The following CCN1 variants were observed in gnomAD, a reference collection of about 807,000 sequenced individuals.
CCN1 encodes cellular communication network factor 1.
In CCN1, 12 loss-of-function variants were observed where a neutral mutation model predicts 38.1. That is an observed-to-expected ratio of 0.31 (90% CI 0.20 to 0.51). The LOEUF (loss-of-function observed/expected upper bound fraction) is 0.51, where lower values mean the gene tolerates loss of function less well. Ranked by LOEUF, CCN1 falls within the 20% of genes least tolerant of loss-of-function variation. The pLI is 0.97. For synonymous variants in CCN1, 202 were observed against 196.1 expected (o/e 1.03, Z -0.25); for missense variants, 466 against 490.9 (o/e 0.95, Z 0.48).
Position 85,581,421 on chromosome 1 carries a change from G to T in CCN1, c.120G>T (p.Ala40=), listed in dbSNP as rs767663303. The T allele has an allele frequency of 2.5e-6, 4 of 1,607,854 alleles. No individual in the cohort carries two copies. The highest frequency in any genetic ancestry group is 3.4e-6 in the Non-Finnish European group (4 of 1,177,902). Residue 40 remains alanine (A), a synonymous_variant, in exon 2 of 5, where the codon GCG becomes GCT. Coordinates refer to ENST00000451137, the MANE Select transcript of CCN1 (RefSeq NM_001554.5). ...CHCPLEAPKC[A]PGVGLVRDGC... ...GCCCCCTGGAGGCGCCCAAGTGCGCGCCGGGAGTCGGGCTGGTCCGGGACG... is the reference window on the plus strand; with the variant it reads ...GCCCCCTGGAGGCGCCCAAGTGCGCTCCGGGAGTCGGGCTGGTCCGGGACG...
At position 85,582,813 on chromosome 1, in the gene CCN1, T is replaced by G. The variant is rs751124491; in HGVS notation, c.917T>G (p.Val306Gly). 6.2e-7 allele frequency: 1 copy of G among 1,614,184 alleles called. No individual in the cohort carries two copies. The highest frequency in any genetic ancestry group is 2.2e-5 in the East Asian group (1 of 44,882). Residue 306 changes from valine (V) to glycine (G), a missense_variant, in exon 5 of 5, where the codon GTG (valine) becomes GGG (glycine). Around this residue, in one of 3 missense-constraint regions of CCN1, gnomAD observed 309 missense variants for 319.9 expected, o/e 0.97. Transcript: ENST00000451137. The part of the protein sequence containing the change: ...VRFTYAGCLS[V>G]KKYRPKYCGS... ...TTTACTTACGCTGGATGTTTGAGTG[T>G]GAAGAAATACCGGCCCAAGTACTGC...
In CCN1 at chr1:85,582,041, A is replaced by G. The variant is rs760330769; in HGVS notation, c.391A>G (p.Ile131Val). 3 of 1,614,180 alleles carry G rather than the reference A, an allele frequency of 1.9e-6. No individual in the cohort carries two copies. The highest frequency in any genetic ancestry group is 2.5e-6 in the Non-Finnish European group (3 of 1,180,032). Reference sequence around the variant, plus strand: ...ATGTATTGATGGCGCCGTGGGCTGCATTCCTCTGTGTCCCCAAGAACTATC... The same window carrying G: ...ATGTATTGATGGCGCCGTGGGCTGCGTTCCTCTGTGTCCCCAAGAACTATC... ...CTCIDGAVGC[I>V]PLCPQELSLP... Residue 131 changes from isoleucine to valine, a missense_variant, in exon 3 of 5, where the codon ATT becomes GTT. Ile to Val is a conservative substitution (Grantham distance 29, BLOSUM62 3). Coordinates refer to ENST00000451137, the MANE Select transcript of CCN1 (RefSeq NM_001554.5).
chr1:85,580,978 C>A lies in CCN1; in HGVS notation c.-7C>A. The stretch of plus-strand genomic sequence containing the variant: ...GCGCTCGCCCCGGGCTACTCCTGCG[C>A]GCCACAATGAGCTCCCGCATCGCCA... On this transcript the variant is annotated 5_prime_UTR_variant, in exon 1 of 5. Coordinates refer to ENST00000451137, the MANE Select transcript of CCN1 (RefSeq NM_001554.5). 1.2e-6 allele frequency: 2 copies of A among 1,600,316 alleles called. No homozygotes were observed. The highest frequency in any genetic ancestry group is 8.5e-7 in the Non-Finnish European group (1 of 1,174,924).
rs112249588 is a variant in CCN1 at position 85,583,382 on chromosome 1, T to C, written c.*340T>C. 101 of 288,746 alleles carry C rather than the reference T, an allele frequency of 3.5e-4. 2 individuals carry two copies. The highest frequency in any genetic ancestry group is 3.2e-3 in the Middle Eastern group (3 of 928). 17.9% of individuals were successfully genotyped at this position (288,746 alleles called of 1,614,324 possible). On this transcript the variant is annotated 3_prime_UTR_variant, in exon 5 of 5. Coordinates refer to ENST00000451137, the MANE Select transcript of CCN1 (RefSeq NM_001554.5). ...CTCTAGGCTTTTTTCCTTTTGGGGT[T>C]CTACAGTCGTAAAAGAGATAATAAG...
In CCN1 at chr1:85,580,899, C is replaced by T. The variant is rs1659757391; in HGVS notation, c.-86C>T. On this transcript the variant is annotated 5_prime_UTR_variant, in exon 1 of 5. Transcript: ENST00000451137. ...GGGCCCACCGCGCCGCCACCCCGAC[C>T]CCGCTGCGCACGGCCTGTCCGCTGC... The T allele has an allele frequency of 1.5e-6, 2 of 1,306,124 alleles. No homozygotes were observed. The highest frequency in any genetic ancestry group is 2.0e-6 in the Non-Finnish European group (2 of 1,009,270). The allele number at this position is 1,306,124 out of a possible 1,614,324, so 80.9% of individuals were successfully genotyped here.
In CCN1 at chr1:85,581,391, C is replaced by T. The variant is rs1221920633; in HGVS notation, c.90C>T (p.Cys30=). The T allele has an allele frequency of 6.2e-7, 1 of 1,600,684 alleles. No homozygotes were observed. Among genetic ancestry groups the T allele is most frequent in the Non-Finnish European group, 8.5e-7 (1 of 1,174,598 alleles). The change falls in exon 2 of 5, where the codon TGC becomes TGT. Residue 30 remains cysteine (C), a synonymous_variant. Coordinates refer to ENST00000451137, the MANE Select transcript of CCN1 (RefSeq NM_001554.5). ...CGCTCTCCACCTGCCCCGCTGCCTGCCACTGCCCCCTGGAGGCGCCCAAGT... is the reference window on the plus strand; with the variant it reads ...CGCTCTCCACCTGCCCCGCTGCCTGTCACTGCCCCCTGGAGGCGCCCAAGT... ...RLALSTCPAA[C]HCPLEAPKCA...
chr1:85,581,860 G>A (rs1217063512), intron 2 of CCN1, 68 bp from the exon 3 acceptor site: 4 of 1,482,962 alleles, frequency 2.7e-6, no homozygotes, highest in East Asian at 2.3e-5. Flanking sequence ...ATATGTATGA[G>A]TTTCAGGCGG....
At position 85,583,068 on chromosome 1, in the gene CCN1, C is replaced by T. The variant is rs781295349; in HGVS notation, c.*26C>T. The T allele has an allele frequency of 4.4e-6, 7 of 1,592,450 alleles. No homozygotes were observed. The highest frequency in any genetic ancestry group is 2.2e-5 in the East Asian group (1 of 44,506). On this transcript the variant is annotated 3_prime_UTR_variant, in exon 5 of 5. Coordinates refer to ENST00000451137, the MANE Select transcript of CCN1 (RefSeq NM_001554.5). ...ATGCTACCTGGGTTTCCAGGGCACACCTAGACAAACAAGGGAGAAGAGTGT... is the reference window on the plus strand; with the variant it reads ...ATGCTACCTGGGTTTCCAGGGCACATCTAGACAAACAAGGGAGAAGAGTGT...
chr1:85,581,969 T>C lies in CCN1; in HGVS notation c.319T>C (p.Tyr107His), dbSNP rs1139740. The C allele has an allele frequency of 1.2e-6, 2 of 1,614,222 alleles. No homozygotes were observed. The highest frequency in any genetic ancestry group is 1.7e-6 in the Non-Finnish European group (2 of 1,180,038). Reference sequence around the variant, plus strand: ...ACCCTGTGAATATAACTCCAGAATCTACCAAAACGGGGAAAGTTTCCAGCC... The same window carrying C: ...ACCCTGTGAATATAACTCCAGAATCCACCAAAACGGGGAAAGTTTCCAGCC... ...GRPCEYNSRI[Y>H]QNGESFQPNC... The change falls in exon 3 of 5, where the codon TAC becomes CAC. Residue 107 changes from tyrosine (Y) to histidine (H), a missense_variant. Coordinates refer to ENST00000451137, the MANE Select transcript of CCN1 (RefSeq NM_001554.5).
Position 85,581,353 on chromosome 1 carries a change from TC to T in CCN1, c.64-7del, listed in dbSNP as rs760716323. The T allele has an allele frequency of 1.3e-6, 2 of 1,565,112 alleles. No homozygotes were observed. The highest frequency in any genetic ancestry group is 1.7e-6 in the Non-Finnish European group (2 of 1,157,680). On this transcript the variant is annotated splice_polypyrimidine_tract_variant and intron_variant, in intron 1 of 4. Coordinates refer to ENST00000451137, the MANE Select transcript of CCN1 (RefSeq NM_001554.5). Reference sequence around the variant, plus strand: ...CGCGCCGAGTCTCACGCGTATCTTCTCCCCCTTCCAGGCGCTCTCCACCTGC... The same window carrying T: ...CGCGCCGAGTCTCACGCGTATCTTCTCCCCTTCCAGGCGCTCTCCACCTGC...
chr1:85,581,905 T>C (rs370126330), intron 2 of CCN1, 23 bp from the exon 3 acceptor site: 293 of 1,602,698 alleles, frequency 1.8e-4, no homozygotes, highest in Non-Finnish European at 2.5e-4. Flanking sequence ...CCTTCTACCT[T>C]TCTCTTTTGG....
chr1:85,580,871 A>C lies in CCN1; in HGVS notation c.-114A>C. On this transcript the variant is annotated 5_prime_UTR_variant, in exon 1 of 5. Coordinates refer to ENST00000451137, the MANE Select transcript of CCN1 (RefSeq NM_001554.5). ...CCGCCCAGCCCTCGCCTCCCTGCCC[A>C]CCGGGCCCACCGCGCCGCCACCCCG... 2 of 1,019,530 alleles carry C rather than the reference A, an allele frequency of 2.0e-6. No homozygotes were observed. Among genetic ancestry groups the C allele is most frequent in the African/African-American group, 1.7e-5 (1 of 58,728 alleles). The allele number at this position is 1,019,530 out of a possible 1,614,324, so 63.2% of individuals were successfully genotyped here.
In CCN1 at chr1:85,583,118, G is replaced by C; in HGVS notation, c.*76G>C. The C allele has an allele frequency of 6.8e-7, 1 of 1,462,042 alleles. No homozygotes were observed. Among genetic ancestry groups the C allele is most frequent in the Non-Finnish European group, 9.4e-7 (1 of 1,067,658 alleles). The allele number at this position is 1,462,042 out of a possible 1,614,324, so 90.6% of individuals were successfully genotyped here. On this transcript the variant is annotated 3_prime_UTR_variant, in exon 5 of 5. Coordinates refer to ENST00000451137, the MANE Select transcript of CCN1 (RefSeq NM_001554.5). Reference sequence around the variant, plus strand: ...TCAGAATCAGAATCATGGAGAAAATGGGCGGGGGTGGTGTGGGTGATGGGA... The same window carrying C: ...TCAGAATCAGAATCATGGAGAAAATCGGCGGGGGTGGTGTGGGTGATGGGA...
In CCN1 at chr1:85,581,365, G is replaced by T; in HGVS notation, c.64G>T (p.Ala22Ser). 6.3e-7 allele frequency: 1 copy of T among 1,579,522 alleles called. No homozygotes were observed. ...CACGCGTATCTTCTCCCCCTTCCAG[G>T]CGCTCTCCACCTGCCCCGCTGCCTG... is the stretch of plus-strand genomic sequence containing the variant. ...VVTLLHLTRL[A>S]LSTCPAACHC... Residue 22 changes from alanine (A) to serine (S), a missense_variant and splice_region_variant, in exon 2 of 5, where the codon GCG becomes TCG. Physicochemically the swap from Ala to Ser is moderately conservative, Grantham distance 99. Coordinates refer to ENST00000451137, the MANE Select transcript of CCN1 (RefSeq NM_001554.5).
intron 2 of CCN1, 136 bp from the exon 3 acceptor site, chr1:85,581,792 C>G: frequency 8.7e-7 from 1 of 1,143,010 alleles, no homozygotes; most frequent in Middle Eastern, 2.3e-4. Flanking sequence ...TTGTTCTGGT[C>G]TGGAGTCTCC....
At position 85,582,173 on chromosome 1, in the gene CCN1, C is replaced by T. The variant is rs1332459205; in HGVS notation, c.523C>T (p.Gln175Ter). The change falls in exon 3 of 5, where the codon CAG (glutamine) becomes TAG (stop). Residue 175 changes from glutamine to a stop codon, truncating the protein, a stop_gained. Coordinates refer to ENST00000451137, the MANE Select transcript of CCN1 (RefSeq NM_001554.5). LOFTEE classifies it high-confidence loss of function. Reference protein sequence around the residue: ...EDSIKDPMEDQDGLLGKELGF... With the variant: ...EDSIKDPMED ...TAGTATCAAGGACCCCATGGAGGAC[C>T]AGGACGGCCTCCTTGGCAAGGAGCT... 6.2e-7 allele frequency: 1 copy of T among 1,614,162 alleles called. No homozygotes were observed. The highest frequency in any genetic ancestry group is 2.2e-5 in the East Asian group (1 of 44,880).
chr1:85,580,793 C>A lies in CCN1; in HGVS notation c.-192C>A, dbSNP rs922515928. On this transcript the variant is annotated 5_prime_UTR_variant, in exon 1 of 5. Coordinates refer to ENST00000451137, the MANE Select transcript of CCN1 (RefSeq NM_001554.5). The stretch of plus-strand genomic sequence containing the variant: ...GAGCGAGAGCGCCCCCGAGCAGCGC[C>A]CGCGCCCTCCGCGCCTTCTCCGCCG... 2.2e-4 allele frequency: 96 copies of A among 427,106 alleles called. No homozygotes were observed. Among genetic ancestry groups the A allele is most frequent in the Admixed American group, 1.8e-4 (4 of 21,846 alleles). 26.5% of individuals were successfully genotyped at this position (427,106 alleles called of 1,614,324 possible). A position where few individuals can be genotyped will look rare whatever the true frequency, so the allele number is the denominator to read the frequency against.
intron 1 of CCN1, 34 bp from the exon 2 acceptor site, chr1:85,581,331 G>T: frequency 6.5e-7 from 1 of 1,530,160 alleles, no homozygotes; most frequent in Non-Finnish European, 8.8e-7. Context: ...TGCGCACCGC[G>T]CCGAGTCTCA....
intron 3 of CCN1, 44 bp downstream of exon 3, chr1:85,582,328 T>C: frequency 6.2e-7 from 1 of 1,613,488 alleles, no homozygotes; most frequent in Non-Finnish European, 8.5e-7. Context: ...TGAGATGCAT[T>C]TCTGGTCTAA....
Sources: allele counts gnomAD v4.1 joint callset, GRCh38; gene constraint gnomAD v4.1.1; regional missense constraint gnomAD v4.1.1; transcripts MANE v1.5; gene names NCBI Gene and HGNC (gene_info 2026-07-23, HGNC 2026-07-21).